The following RXFP2 variants were observed in gnomAD, a reference collection of about 807,000 sequenced individuals.
RXFP2 encodes relaxin receptor 2.
In RXFP2, 68 loss-of-function variants were observed where a neutral mutation model predicts 88.6. The observed-to-expected ratio is 0.77, with a 90% CI of 0.63 to 0.94. The LOEUF (loss-of-function observed/expected upper bound fraction) is 0.94, where lower values mean the gene tolerates loss of function less well. Among genes scored for constraint, RXFP2 ranks in the 40% least tolerant of loss-of-function variants. RXFP2 has a pLI of 0.00. For synonymous variants in RXFP2, 329 were observed against 306.8 expected, an observed-to-expected ratio of 1.07 and a Z score of -0.76; for missense variants, 791 against 893.9, an observed-to-expected ratio of 0.88 and a Z score of 1.47.
At chr13:31,761,204 T>G (rs944827881) in intron 2 of RXFP2, among the ~76,000 whole-genome samples, 1 of 152,152 alleles carries the variant, frequency 6.6e-6, no homozygotes, top group Non-Finnish European at 1.5e-5. Flanking sequence ...TCCTCCCACC[T>G]CAGCCTCCCA....
At chr13:31,745,787 T>C (rs1238850696) in intron 1 of RXFP2, among the ~76,000 whole-genome samples, 1 of 152,346 alleles carries the variant, frequency 6.6e-6, no homozygotes, top group Admixed American at 6.5e-5. Context: ...TTTCTCACAA[T>C]GGATGACCTT....
rs1447371287 is a variant in RXFP2, at chr13:31,775,337, A to G, written c.589A>G (p.Ile197Val). ...TTGTAGATATCTCAACCACAACTGC[A>G]TCACAACCCTCAGACCTGGAATATT... ...LQILYLNHNC[I>V]TTLRPGIFKD... The change falls in exon 7 of 18, where the codon ATC becomes GTC. Residue 197 changes from isoleucine (I) to valine (V), a missense_variant. Ile to Val is a conservative substitution (Grantham distance 29). Transcript: ENST00000298386. 12 of 1,613,784 alleles carry G rather than the reference A, an allele frequency of 7.4e-6. No individual in the cohort carries two copies. The highest frequency in any genetic ancestry group is 1.3e-5 in the African/African-American group (1 of 75,030).
rs1015947271 is a variant in RXFP2 at position 31,802,032 on chromosome 13, C to T, written c.2006-114C>T. 3.7e-6 allele frequency: 4 copies of T among 1,076,480 alleles called. No homozygotes were observed. In the East Asian group the frequency reaches 7.4e-5, roughly 20 times the overall value. The allele number at this position is 1,076,480 out of a possible 1,614,324, so 66.7% of individuals were successfully genotyped here. On this transcript the variant is annotated intron_variant, in intron 17 of 17. Coordinates refer to ENST00000298386, the MANE Select transcript of RXFP2 (RefSeq NM_130806.5). ...AGATTTTCCTTCAGGTGAGAGAAAA[C>T]TTAAAATGTACTATGTCTCCCTCTC...
intron 17 of RXFP2, among the ~76,000 whole-genome samples, chr13:31,800,083 A>C (rs926676373): frequency 2.0e-5 from 3 of 152,238 alleles, no homozygotes; most frequent in Non-Finnish European, 2.9e-5. Context: ...CAGTGGAACC[A>C]GGAAAAATGT....
chr13:31,802,475 C>A lies in RXFP2; in HGVS notation c.*70C>A. The stretch of plus-strand genomic sequence containing the variant: ...GGGGACAGCTTTTGGAAGATGACAT[C>A]TGCAATGCTTTTCATCTTTACCAAC... On this transcript the variant is annotated 3_prime_UTR_variant, in exon 18 of 18. Transcript: ENST00000298386. 6.7e-7 allele frequency: 1 copy of A among 1,498,354 alleles called. No homozygotes were observed. Among genetic ancestry groups the A allele is most frequent in the Non-Finnish European group, 9.2e-7 (1 of 1,081,670 alleles). The allele number at this position is 1,498,354 out of a possible 1,614,324, so 92.8% of individuals were successfully genotyped here.
At chr13:31,797,551 T>G (rs1412575385) in intron 17 of RXFP2, 132 bp downstream of exon 17, 2 of 722,140 alleles carry the variant, frequency 2.8e-6, no homozygotes, top group African/African-American at 3.6e-5. Flanking sequence ...CCTCCATGTT[T>G]TATAATCAGT....
At chr13:31,771,377 G>C (rs144475518) in intron 5 of RXFP2, among the ~76,000 whole-genome samples, 2 of 152,172 alleles carry the variant, frequency 1.3e-5, no homozygotes, top group African/African-American at 4.8e-5. Flanking sequence ...GATTCTCACC[G>C]TAGTGTGAAC....
At chr13:31,757,386 A>G (rs191235422) in intron 1 of RXFP2, among the ~76,000 whole-genome samples, 1 of 152,320 alleles carries the variant, frequency 6.6e-6, no homozygotes, top group Non-Finnish European at 1.5e-5. Context: ...GCCCATACAT[A>G]GGCTGGCTGA....
intron 11 of RXFP2, among the ~76,000 whole-genome samples, chr13:31,783,704 C>T (rs1873390571): frequency 6.6e-6 from 1 of 152,214 alleles, no homozygotes; most frequent in African/African-American, 2.4e-5. Flanking sequence ...AAGACTTCCT[C>T]CCAGGGCATT....
At chr13:31,769,249 A>G (rs1371355290) in intron 5 of RXFP2, among the ~76,000 whole-genome samples, 1 of 152,170 alleles carries the variant, frequency 6.6e-6, no homozygotes, top group Non-Finnish European at 1.5e-5. Context: ...GTGCTGGGGA[A>G]ATGGAATTTC....
intron 7 of RXFP2, among the ~76,000 whole-genome samples, chr13:31,775,597 TCTGTGGCCTCTA>T (rs57549592): frequency 0.012 from 1,861 of 152,308 alleles, 41 homozygotes; most frequent in African/African-American, 0.042. Flanking sequence ...CTAAGAACCA[TCTGTGGCCTCTA>T]CCCACTAGAT....
At chr13:31,756,859 A>C (rs1464192163) in intron 1 of RXFP2, among the ~76,000 whole-genome samples, 1 of 151,900 alleles carries the variant, frequency 6.6e-6, no homozygotes, top group African/African-American at 2.4e-5. Flanking sequence ...GGCCTCAAGT[A>C]ATTTCCCCAC....
chr13:31,748,753 G>A (rs556522259), intron 1 of RXFP2, among the ~76,000 whole-genome samples: 49 of 152,244 alleles, frequency 3.2e-4, no homozygotes, highest in Non-Finnish European at 6.0e-4. Context: ...TTGGGAGGCC[G>A]AGGCGGGCAG....
At chr13:31,786,994 C>T (rs968588498) in intron 13 of RXFP2, among the ~76,000 whole-genome samples, 2 of 152,174 alleles carry the variant, frequency 1.3e-5, no homozygotes, top group African/African-American at 4.8e-5. Context: ...TCCCCTTTGC[C>T]CTTTCCTACA....
chr13:31,743,741 C>T (rs1400742340), intron 1 of RXFP2, among the ~76,000 whole-genome samples: 1 of 151,914 alleles, frequency 6.6e-6, no homozygotes, highest in Non-Finnish European at 1.5e-5. Context: ...TTTCATGTCT[C>T]GCCCTCCTAC....
intron 7 of RXFP2, among the ~76,000 whole-genome samples, chr13:31,776,126 C>A (rs1872955288): frequency 7.1e-6 from 1 of 141,498 alleles, no homozygotes; most frequent in African/African-American, 2.6e-5. Context: ...TTCTTTCTTT[C>A]TTTCTTTCTT....
Position 31,758,420 on chromosome 13 carries a change from G to A in RXFP2, c.241+16G>A, listed in dbSNP as rs199668322. On this transcript the variant is annotated intron_variant, in intron 2 of 17. Transcript: ENST00000298386. ...GAGAACTGTGGTGAGTGCTCCCCTCGGCTCCCCATGTGTGCCTCACTTTAT... is the reference window on the plus strand; with the variant it reads ...GAGAACTGTGGTGAGTGCTCCCCTCAGCTCCCCATGTGTGCCTCACTTTAT... 26 of 1,613,644 alleles carry A rather than the reference G, an allele frequency of 1.6e-5. No homozygotes were observed. The highest frequency in any genetic ancestry group is 3.3e-4 in the Middle Eastern group (2 of 6,072).
chr13:31,748,680 G>T (rs1433321122), intron 1 of RXFP2, among the ~76,000 whole-genome samples: 1 of 152,010 alleles, frequency 6.6e-6, no homozygotes, highest in Non-Finnish European at 1.5e-5. Flanking sequence ...CTCTCTTAAT[G>T]ATGACTTTTT....
At chr13:31,797,770 G>A (rs377614757) in intron 17 of RXFP2, among the ~76,000 whole-genome samples, 3 of 152,110 alleles carry the variant, frequency 2.0e-5, no homozygotes, top group African/African-American at 7.2e-5. Context: ...ATAGATGGAT[G>A]TTATGTAAAA....
Sources: gnomAD v4.1 joint callset for allele counts (sites outside exome capture counted in the v4.1 genomes callset) on GRCh38, gnomAD v4.1.1 for gene constraint, MANE v1.5 for transcripts, NCBI Gene and HGNC (gene_info 2026-07-23, HGNC 2026-07-21) for gene names.